IL1R2: variants seen among roughly 807,000 people sequenced by gnomAD.
IL1R2 encodes interleukin 1 receptor type 2.
IL1R2 carries 46 observed loss-of-function variants against 39.5 expected under a neutral mutation model. That is an observed-to-expected ratio of 1.16 (90% CI 0.92 to 1.49). The LOEUF is 1.49. IL1R2 is among the 40% of genes most tolerant of loss of function. The pLI, the probability that IL1R2 is intolerant of heterozygous loss-of-function variation, is 0.00. For missense variants in IL1R2, 537 were observed against 502.0 expected, an observed-to-expected ratio of 1.07 and a Z score of -0.67; for synonymous variants, 207 against 189.6, an observed-to-expected ratio of 1.09 and a Z score of -0.75.
At chr2:102,022,526 A>G (rs1204151486) in intron 6 of IL1R2, among the ~76,000 whole-genome samples, 1 of 152,270 alleles carries the variant, frequency 6.6e-6, no homozygotes, top group Non-Finnish European at 1.5e-5. Context: ...TGAAAATCTG[A>G]ACGTTCTGGC....
Position 102,012,653 on chromosome 2 carries a change from G to T in IL1R2, c.332+2827G>T, listed in dbSNP as rs533296942. On this transcript the variant is annotated intron_variant, in intron 3 of 8. Transcript: ENST00000332549. ...CTAGCCCCAACTATAAGCAATTTAG[G>T]GACAGGTTTAATCCTGTCAATGAAC... Among the ~76,000 whole-genome samples, 13 of 152,076 alleles carry T rather than the reference G, an allele frequency of 8.5e-5. No homozygotes were observed. In the East Asian group the frequency reaches 2.5e-3, roughly 29 times the overall value.
At chr2:102,003,012 CTGTG>C (rs879544031) in intron 1 of IL1R2, among the ~76,000 whole-genome samples, 19,727 of 149,908 alleles carry the variant, frequency 0.13, 4,319 homozygotes, top group Non-Finnish European at 0.17. Context: ...ATGTCTGTGT[CTGTG>C]TCTCTGTCTG....
intron 8 of IL1R2, among the ~76,000 whole-genome samples, chr2:102,026,625 A>G (rs547086916): frequency 1.3e-5 from 2 of 152,318 alleles, no homozygotes; most frequent in South Asian, 4.1e-4. Flanking sequence ...GAGAAACTTC[A>G]TCCTCTAAGA....
At chr2:102,013,554 G>T (rs921356645) in intron 3 of IL1R2, among the ~76,000 whole-genome samples, 1 of 31,656 alleles carries the variant, frequency 3.2e-5, no homozygotes, top group East Asian at 9.8e-4. Context: ...AAAAAAAAAG[G>T]AAAGAAAGAA....
At chr2:102,002,822 T>TATCTA (rs1350747178) in intron 1 of IL1R2, among the ~76,000 whole-genome samples, 4 of 4,842 alleles carry the variant, frequency 8.3e-4, no homozygotes, top group Non-Finnish European at 2.0e-3. Flanking sequence ...GTCTGTGTCT[T>TATCTA]TGTCCCTGTC....
At chr2:102,009,866 A>G (rs762439959) in intron 3 of IL1R2, 40 bp downstream of exon 3, 3 of 1,602,522 alleles carry the variant, frequency 1.9e-6, no homozygotes, top group Non-Finnish European at 2.6e-6. Context: ...GGATCCTGGC[A>G]GGATGGAGGC....
In IL1R2 at chr2:102,016,000, C is replaced by A; in HGVS notation, c.462C>A (p.Asp154Glu). 6.2e-7 allele frequency: 1 copy of A among 1,613,970 alleles called. No homozygotes were observed. The highest frequency in any genetic ancestry group is 1.6e-4 in the Middle Eastern group (1 of 6,062). Residue 154 changes from aspartate to glutamate, a missense_variant, in exon 4 of 9, where the codon GAC becomes GAA. Transcript: ENST00000332549. ...CCTCTGGGGTATTAGTATGCCCTGA[C>A]CTGAGTGAATTCACCCGTGACAAAA... ...LSTSGVLVCP[D>E]LSEFTRDKTD...
chr2:102,019,970 G>A (rs928211996), intron 5 of IL1R2, among the ~76,000 whole-genome samples, 158 bp downstream of exon 5: 4 of 152,206 alleles, frequency 2.6e-5, no homozygotes, highest in African/African-American at 9.6e-5. Context: ...TTAATAAGAC[G>A]TGTGTGATAC....
chr2:102,019,826 A>G lies in IL1R2; in HGVS notation c.688+14A>G, dbSNP rs201557222. On this transcript the variant is annotated intron_variant, in intron 5 of 8. Transcript: ENST00000332549. ...TACGCATCAAGAGTAAGTACTTGCC[A>G]TTGAGGCACCTATCTATCCTGGTTC... 1.9e-6 allele frequency: 3 copies of G among 1,607,118 alleles called. No homozygotes were observed. Among genetic ancestry groups the G allele is most frequent in the African/African-American group, 2.7e-5 (2 of 74,866 alleles).
At chr2:102,011,548 A>G (rs186008283) in intron 3 of IL1R2, among the ~76,000 whole-genome samples, 13 of 152,352 alleles carry the variant, frequency 8.5e-5, no homozygotes, top group Admixed American at 7.8e-4. Context: ...GGAGACACAG[A>G]CATATCTCCT....
At chr2:101,998,137 G>A (rs1485951891) in intron 1 of IL1R2, among the ~76,000 whole-genome samples, 3 of 152,198 alleles carry the variant, frequency 2.0e-5, no homozygotes, top group East Asian at 1.9e-4. Context: ...TCCCATCCTA[G>A]AGAAAGAGGA....
chr2:102,017,763 G>A (rs1433938334), intron 4 of IL1R2, among the ~76,000 whole-genome samples: 1 of 106,024 alleles, frequency 9.4e-6, no homozygotes, highest in Non-Finnish European at 1.8e-5. Context: ...TCTTGTTGTA[G>A]TACTGTCTGT....
intron 1 of IL1R2, chr2:101,999,130 G>A (rs1311774753): frequency 6.6e-6 from 1 of 152,324 alleles, no homozygotes. Context: ...AGTGAAATAT[G>A]CTACATGCCT....
chr2:102,001,432 T>C (rs1448389942), intron 1 of IL1R2, among the ~76,000 whole-genome samples: 1 of 152,194 alleles, frequency 6.6e-6, no homozygotes, highest in African/African-American at 2.4e-5. Flanking sequence ...CAGGAAGTGA[T>C]CTGTCTCACC....
intron 3 of IL1R2, among the ~76,000 whole-genome samples, chr2:102,012,291 C>T (rs541249819): frequency 1.3e-5 from 2 of 152,348 alleles, no homozygotes; most frequent in East Asian, 3.9e-4. Flanking sequence ...CCTCCAAAGG[C>T]ACTGCTTGCT....
chr2:102,008,170 TC>T (rs973049069), intron 1 of IL1R2, among the ~76,000 whole-genome samples: 5 of 152,052 alleles, frequency 3.3e-5, no homozygotes, highest in African/African-American at 1.2e-4. Context: ...GAAAGTGAAG[TC>T]CGAGCAGAAA....
At position 102,000,687 on chromosome 2, in the gene IL1R2, G is replaced by A. The variant is rs376273151; in HGVS notation, c.-61-7828G>A. Reference sequence around the variant, plus strand: ...TCTGGAGGCCCCTCTAGCTCCAGGTGTTGATGCTTTTACAGAGCAGAGAAC... The same window carrying A: ...TCTGGAGGCCCCTCTAGCTCCAGGTATTGATGCTTTTACAGAGCAGAGAAC... On this transcript the variant is annotated intron_variant, in intron 1 of 8. Transcript: ENST00000332549. Among the ~76,000 whole-genome samples, 13 of 152,304 alleles carry A rather than the reference G, an allele frequency of 8.5e-5. No individual in the cohort carries two copies. In the East Asian group the frequency reaches 9.7e-4, roughly 11 times the overall value.
intron 1 of IL1R2, among the ~76,000 whole-genome samples, chr2:102,007,968 G>C (rs1293409613): frequency 6.6e-6 from 1 of 152,230 alleles, no homozygotes; most frequent in Non-Finnish European, 1.5e-5. Flanking sequence ...CCTTTTGGCA[G>C]AGTGAATTGG....
At chr2:101,999,924 T>C (rs964405162) in intron 1 of IL1R2, among the ~76,000 whole-genome samples, 1 of 152,260 alleles carries the variant, frequency 6.6e-6, no homozygotes, top group African/African-American at 2.4e-5. Flanking sequence ...ACTTATATGT[T>C]CTATAATATG....
Sources: allele counts gnomAD v4.1 joint callset (sites outside exome capture counted in the v4.1 genomes callset), GRCh38; gene constraint gnomAD v4.1.1; transcripts MANE v1.5; gene names NCBI Gene and HGNC (gene_info 2026-07-23, HGNC 2026-07-21).